RAB38: variants seen among roughly 807,000 people sequenced by gnomAD.
The protein encoded by RAB38 is ras-related protein Rab-38.
In RAB38, 15 loss-of-function variants were observed where a neutral mutation model predicts 18.4. The ratio of observed to expected loss-of-function variants is 0.82; its 90% CI spans 0.55 to 1.26. RAB38 has a LOEUF of 1.26. RAB38 is among the 50% of genes most tolerant of loss of function. The pLI is 0.00. For synonymous variants in RAB38, 101 were observed against 104.4 expected (o/e 0.97, Z 0.20); for missense variants, 294 against 267.4 (o/e 1.10, Z -0.69).
chr11:87,888,757 G>A, the RAB38 span, among the ~76,000 whole-genome samples: 1 of 151,856 alleles, frequency 6.6e-6, no homozygotes, highest in African/African-American at 2.4e-5. Context: ...TTACATCAAG[G>A]ATTATTTTAT....
the RAB38 span, among the ~76,000 whole-genome samples, chr11:88,072,758 G>GA: frequency 6.6e-6 from 1 of 150,934 alleles, no homozygotes. Context: ...CATTACCAAA[G>GA]AAAAAAATAT....
At chr11:88,143,465 T>C (rs532461144) in intron 2 of RAB38, among the ~76,000 whole-genome samples, 41 of 152,126 alleles carry the variant, frequency 2.7e-4, no homozygotes, top group African/African-American at 9.6e-4. Flanking sequence ...CACAGCTGAG[T>C]TCCAACAAAA....
chr11:88,004,794 T>G, the RAB38 span, among the ~76,000 whole-genome samples: 1 of 151,390 alleles, frequency 6.6e-6, no homozygotes, highest in East Asian at 1.9e-4. Flanking sequence ...TAGTCAGGTC[T>G]CAGGATAAGG....
the RAB38 span, among the ~76,000 whole-genome samples, chr11:87,947,141 G>A: frequency 6.6e-6 from 1 of 152,164 alleles, no homozygotes; most frequent in Non-Finnish European, 1.5e-5. Context: ...CTGATGACCA[G>A]TGATGATGAG....
At chr11:87,849,563 T>G in the RAB38 span, among the ~76,000 whole-genome samples, 1 of 152,122 alleles carries the variant, frequency 6.6e-6, no homozygotes, top group South Asian at 2.1e-4. Context: ...TCACACCCTC[T>G]GTACCTCCCT....
At chr11:87,845,847 A>T in the RAB38 span, among the ~76,000 whole-genome samples, 1 of 152,108 alleles carries the variant, frequency 6.6e-6, no homozygotes. Context: ...TTCTCATCAG[A>T]AACTGCCAAA....
the RAB38 span, among the ~76,000 whole-genome samples, chr11:87,842,080 C>G: frequency 6.6e-6 from 1 of 152,050 alleles, no homozygotes; most frequent in Non-Finnish European, 1.5e-5. Context: ...TTTGTATAAC[C>G]TGACATTTTT....
the RAB38 span, among the ~76,000 whole-genome samples, chr11:87,921,398 G>A: frequency 6.6e-6 from 1 of 151,838 alleles, no homozygotes; most frequent in East Asian, 2.0e-4. Flanking sequence ...TCGCCCAACC[G>A]TAGGCTTATA....
At chr11:88,053,167 TATA>T in the RAB38 span, among the ~76,000 whole-genome samples, 1 of 91,162 alleles carries the variant, frequency 1.1e-5, no homozygotes, top group East Asian at 2.6e-4. Flanking sequence ...TATACACACA[TATA>T]TATGGAATAT....
chr11:88,024,337 A>G, the RAB38 span, among the ~76,000 whole-genome samples: 1 of 152,216 alleles, frequency 6.6e-6, no homozygotes, highest in East Asian at 1.9e-4. Flanking sequence ...ATAATGAACT[A>G]TCACCTCACC....
the RAB38 span, among the ~76,000 whole-genome samples, chr11:87,875,816 A>G: frequency 6.6e-6 from 1 of 151,472 alleles, no homozygotes; most frequent in Non-Finnish European, 1.5e-5. Context: ...TTGCATATTG[A>G]CCTTCTATTC....
chr11:88,060,737 G>A, the RAB38 span, among the ~76,000 whole-genome samples: 1 of 152,106 alleles, frequency 6.6e-6, no homozygotes, highest in African/African-American at 2.4e-5. Context: ...CCAACTAGCT[G>A]CCAGTAGCAC....
At chr11:88,051,566 T>C in the RAB38 span, among the ~76,000 whole-genome samples, 6 of 151,404 alleles carry the variant, frequency 4.0e-5, no homozygotes, top group African/African-American at 9.7e-5. Flanking sequence ...TTTTGTATGC[T>C]GTTTAAACAG....
chr11:88,112,754 C>T (rs1213844943), downstream of RAB38, among the ~76,000 whole-genome samples: 1 of 150,920 alleles, frequency 6.6e-6, no homozygotes, highest in Admixed American at 6.6e-5. Context: ...AGCCTGGTGA[C>T]ATAGCAAGAC....
At chr11:87,887,946 A>G in the RAB38 span, among the ~76,000 whole-genome samples, 1 of 151,830 alleles carries the variant, frequency 6.6e-6, no homozygotes, top group Non-Finnish European at 1.5e-5. Flanking sequence ...TTTATACAAC[A>G]TTCTCCCCTG....
chr11:88,123,507 A>G (rs187408943), intron 2 of RAB38, among the ~76,000 whole-genome samples: 1 of 152,318 alleles, frequency 6.6e-6, no homozygotes, highest in African/African-American at 2.4e-5. Flanking sequence ...TTTGCTTTCC[A>G]GTTATTATTT....
chr11:87,854,907 G>A, the RAB38 span, among the ~76,000 whole-genome samples: 1 of 152,048 alleles, frequency 6.6e-6, no homozygotes, highest in African/African-American at 2.4e-5. Context: ...CCATTCTCCT[G>A]CCTCAGCCTC....
chr11:87,947,242 T>G, the RAB38 span, among the ~76,000 whole-genome samples: 4 of 131,538 alleles, frequency 3.0e-5, no homozygotes, highest in African/African-American at 9.0e-5. Context: ...GGGGTTGTTT[T>G]TTTTCTTGTA....
the RAB38 span, among the ~76,000 whole-genome samples, chr11:87,959,203 G>C: frequency 7.2e-5 from 11 of 152,030 alleles, no homozygotes; most frequent in African/African-American, 2.7e-4. Context: ...GAAACATTCC[G>C]ACGCATTTAG....
Sources: gnomAD v4.1 joint callset for allele counts (sites outside exome capture counted in the v4.1 genomes callset) on GRCh38, gnomAD v4.1.1 for gene constraint, MANE v1.5 for transcripts, NCBI Gene and HGNC (gene_info 2026-07-23, HGNC 2026-07-21) for gene names.